Variants in TIMELESS observed in about 807,000 individuals in gnomAD.
The protein encoded by TIMELESS is timeless circadian regulator.
In TIMELESS, 124 loss-of-function variants were observed where a neutral mutation model predicts 164.3. The ratio of observed to expected loss-of-function variants is 0.75; its 90% CI spans 0.65 to 0.88. The LOEUF is 0.88. Among genes scored for constraint, TIMELESS ranks in the 40% least tolerant of loss-of-function variants. TIMELESS has a pLI of 0.00. For synonymous variants in TIMELESS, 564 were observed against 563.4 expected, an observed-to-expected ratio of 1.00 and a Z score of -0.02; for missense variants, 1,422 against 1,491.4, an observed-to-expected ratio of 0.95 and a Z score of 0.77.
intron 1 of TIMELESS, among the ~76,000 whole-genome samples, chr12:56,437,181 G>T (rs1172503405): frequency 1.3e-5 from 2 of 152,062 alleles, no homozygotes; most frequent in Admixed American, 6.5e-5. Flanking sequence ...CACACACCTC[G>T]GCCTCCCAAA....
chr12:56,440,428 C>T (rs113009589), intron 1 of TIMELESS, among the ~76,000 whole-genome samples: 2 of 152,246 alleles, frequency 1.3e-5, no homozygotes, highest in African/African-American at 4.8e-5. Context: ...TGAGCCACTG[C>T]GCCCGACCAA....
At position 56,417,958 on chromosome 12, in the gene TIMELESS, G is replaced by A; in HGVS notation, c.3505C>T (p.Gln1169Ter). 2 of 1,614,198 alleles carry A rather than the reference G, an allele frequency of 1.2e-6. No individual in the cohort carries two copies. Among genetic ancestry groups the A allele is most frequent in the Non-Finnish European group, 1.7e-6 (2 of 1,180,036 alleles). The stretch of plus-strand genomic sequence containing the variant: ...TGTTCCTCGTCGCTGTCCAGCAATT[G>A]TCGTTTCTTGGGTGCTGCCTTCAGC... ...EPLKAAPKKR[Q>*]LLDSDEEQEE... Residue 1169 changes from glutamine to a stop codon, truncating the protein, a stop_gained, in exon 28 of 29, where the codon CAA (glutamine) becomes TAA (stop). Coordinates refer to ENST00000553532, the MANE Select transcript of TIMELESS (RefSeq NM_003920.5). LOFTEE classifies it high-confidence loss of function.
chr12:56,427,899 C>A (rs1009111559), intron 13 of TIMELESS, among the ~76,000 whole-genome samples: 1 of 152,176 alleles, frequency 6.6e-6, no homozygotes, highest in East Asian at 1.9e-4. Flanking sequence ...CTTTCCACCT[C>A]ACCACAATGC....
intron 2 of TIMELESS, 48 bp from the exon 3 acceptor site, chr12:56,433,974 C>T: frequency 3.7e-6 from 6 of 1,612,090 alleles, no homozygotes; most frequent in South Asian, 1.1e-5. Context: ...GAAGAAGCTC[C>T]ATCCAGACCC....
At position 56,433,090 on chromosome 12, in the gene TIMELESS, A is replaced by G. The variant is rs912001705; in HGVS notation, c.467T>C (p.Ile156Thr). ...EERQEEDNLL[I>T]ERILLLVRNI... is the part of the protein sequence containing the mutation. Reference sequence around the variant, plus strand: ...TCTGACCAGCAGTAGGATCCGTTCAATCAGCAAGTTGTCTTCCTCCTGCCG... The same window carrying G: ...TCTGACCAGCAGTAGGATCCGTTCAGTCAGCAAGTTGTCTTCCTCCTGCCG... The change falls in exon 6 of 29, where the codon ATT becomes ACT. Residue 156 changes from isoleucine (I) to threonine (T), a missense_variant. Coordinates refer to ENST00000553532, the MANE Select transcript of TIMELESS (RefSeq NM_003920.5). 1.2e-6 allele frequency: 2 copies of G among 1,614,182 alleles called. No homozygotes were observed. Among genetic ancestry groups the G allele is most frequent in the Admixed American group, 1.7e-5 (1 of 60,014 alleles).
At chr12:56,422,326 C>T (rs1881525452) in intron 19 of TIMELESS, 135 bp from the exon 20 acceptor site, 1 of 685,244 alleles carries the variant, frequency 1.5e-6, no homozygotes. Flanking sequence ...CAGCAGAGGC[C>T]TACAGTGTGC....
chr12:56,434,895 A>C (rs1353717295), intron 1 of TIMELESS, among the ~76,000 whole-genome samples: 1 of 152,156 alleles, frequency 6.6e-6, no homozygotes, highest in Non-Finnish European at 1.5e-5. Context: ...ACAAAAAGCC[A>C]ACCGTTGTGG....
intron 1 of TIMELESS, among the ~76,000 whole-genome samples, chr12:56,448,879 G>A (rs1279491798): frequency 1.3e-5 from 2 of 152,330 alleles, no homozygotes; most frequent in African/African-American, 4.8e-5. Flanking sequence ...TGAGAAATCC[G>A]TTCCATAAAA....
chr12:56,437,421 C>CATT (rs1326383951), intron 1 of TIMELESS, among the ~76,000 whole-genome samples: 2 of 147,040 alleles, frequency 1.4e-5, no homozygotes, highest in African/African-American at 5.0e-5. Context: ...GATTTTATAG[C>CATT]TTTTTTTTTT....
intron 5 of TIMELESS, 66 bp downstream of exon 5, chr12:56,433,315 C>T: frequency 1.3e-6 from 2 of 1,567,342 alleles, no homozygotes; most frequent in Non-Finnish European, 1.8e-6. Flanking sequence ...TCAGCATCTC[C>T]TCCTCTGCCC....
chr12:56,422,026 G>A lies in TIMELESS; in HGVS notation c.2525-10C>T, dbSNP rs761636283. On this transcript the variant is annotated splice_polypyrimidine_tract_variant and intron_variant, in intron 20 of 28. Transcript: ENST00000553532. The stretch of plus-strand genomic sequence containing the variant: ...TCCACCACATCCTGCCCTGGCGTGG[G>A]GAAGGACTAAGGCAGTAAAGAAGGT... 1 of 1,614,046 alleles carries A rather than the reference G, an allele frequency of 6.2e-7. No homozygotes were observed. Among genetic ancestry groups the A allele is most frequent in the Admixed American group, 1.7e-5 (1 of 60,012 alleles).
chr12:56,433,962 T>G (rs1881985258), intron 2 of TIMELESS, 36 bp from the exon 3 acceptor site: 1 of 1,612,668 alleles, frequency 6.2e-7, no homozygotes, highest in African/African-American at 1.3e-5. Flanking sequence ...TGTGGAACCT[T>G]GGAAGAAGCT....
At position 56,424,924 on chromosome 12, in the gene TIMELESS, A is replaced by G. The variant is rs1186259528; in HGVS notation, c.1717-11T>C. On this transcript the variant is annotated splice_polypyrimidine_tract_variant and intron_variant, in intron 14 of 28. Coordinates refer to ENST00000553532, the MANE Select transcript of TIMELESS (RefSeq NM_003920.5). ...GCTGAGCTCAGAATTCTAGAGATGG[A>G]TAAAGCTATGGGAGCGGAGGGAGTG... 2 of 1,614,212 alleles carry G rather than the reference A, an allele frequency of 1.2e-6. No individual in the cohort carries two copies. The highest frequency in any genetic ancestry group is 2.2e-5 in the South Asian group (2 of 91,090).
At position 56,423,645 on chromosome 12, in the gene TIMELESS, C is replaced by G. The variant is rs1177522615; in HGVS notation, c.2029G>C (p.Glu677Gln). Residue 677 changes from glutamate (E) to glutamine (Q), a missense_variant, in exon 17 of 29, where the codon GAG becomes CAG. By Grantham distance (29) the Glu-to-Gln change is conservative (BLOSUM62 2). Transcript: ENST00000553532. ...GACACCTGGACCACTTGCAACTCCTCCTCTTCCTCCTCCTCCTCCTCTTCT... is the reference window on the plus strand; with the variant it reads ...GACACCTGGACCACTTGCAACTCCTGCTCTTCCTCCTCCTCCTCCTCTTCT... ...EEEEEEEEEE[E>Q]ELQVVQVSEK... 1.2e-6 allele frequency: 2 copies of G among 1,614,036 alleles called. No homozygotes were observed. The highest frequency in any genetic ancestry group is 1.7e-5 in the Admixed American group (1 of 60,010).
intron 5 of TIMELESS, 56 bp downstream of exon 5, chr12:56,433,325 C>T (rs949601838): frequency 2.0e-5 from 31 of 1,587,360 alleles, no homozygotes; most frequent in Non-Finnish European, 2.5e-5. Flanking sequence ...CTCCTCTGCC[C>T]GGAGAAGGTG....
rs1312039970 is a variant in TIMELESS, at chr12:56,433,458, ACCTGATCTTAAGTAGCAGTCAT to A, written c.367-37_367-16del. The A allele has an allele frequency of 2.5e-6, 4 of 1,614,184 alleles. No individual in the cohort carries two copies. The highest frequency in any genetic ancestry group is 3.4e-6 in the Non-Finnish European group (4 of 1,180,006). On this transcript the variant is annotated splice_polypyrimidine_tract_variant and intron_variant, in intron 4 of 28. Transcript: ENST00000553532. The stretch of plus-strand genomic sequence containing the variant: ...CTGGCAAAGGCCTGTGAAATAGGGA[ACCTGATCTTAAGTAGCAGTCAT>A]CCACTTCTTCACCACTGCCCCATAT...
chr12:56,444,080 T>C lies in TIMELESS; in HGVS notation c.-62+5230A>G, dbSNP rs138398361. Among the ~76,000 whole-genome samples, 139 of 152,206 alleles carry C rather than the reference T, an allele frequency of 9.1e-4. No homozygotes were observed. The Middle Eastern group carries it at 0.014, about 15-fold the overall frequency. ...GCTTGGCTAATTTTTGTATTTTTAG[T>C]AGAGACATGGTTTCACCATGTTGGC... On this transcript the variant is annotated intron_variant, in intron 1 of 28. Transcript: ENST00000553532.
intron 1 of TIMELESS, among the ~76,000 whole-genome samples, chr12:56,443,412 C>G (rs1038396951): frequency 6.6e-6 from 1 of 152,150 alleles, no homozygotes; most frequent in Non-Finnish European, 1.5e-5. Context: ...GAAATTCCAG[C>G]CTGGTGAATT....
At chr12:56,419,723 C>A (rs1271692446) in intron 26 of TIMELESS, among the ~76,000 whole-genome samples, 7 of 151,626 alleles carry the variant, frequency 4.6e-5, no homozygotes, top group Non-Finnish European at 1.0e-4. Flanking sequence ...CCCTCCATAT[C>A]CACAAGTTCT....
Sources: gnomAD v4.1 joint callset for allele counts (sites outside exome capture counted in the v4.1 genomes callset) on GRCh38, gnomAD v4.1.1 for gene constraint, MANE v1.5 for transcripts, NCBI Gene and HGNC (gene_info 2026-07-23, HGNC 2026-07-21) for gene names.